Variants in TRAPPC9 observed in about 807,000 individuals in gnomAD.
TRAPPC9 encodes trafficking protein particle complex subunit 9.
A neutral mutation model predicts 124.0 loss-of-function variants in TRAPPC9; 83 were observed. The observed-to-expected ratio is 0.67, with a 90% CI of 0.56 to 0.80. The LOEUF is 0.80. Among genes scored for constraint, TRAPPC9 ranks in the 30% least tolerant of loss-of-function variants. The pLI is 0.00. For missense variants in TRAPPC9, 1,302 were observed against 1,508.3 expected, an observed-to-expected ratio of 0.86 and a Z score of 2.27; for synonymous variants, 638 against 617.5, an observed-to-expected ratio of 1.03 and a Z score of -0.49.
chr8:139,753,266 C>T (rs1819484647), intron 21 of TRAPPC9, among the ~76,000 whole-genome samples: 1 of 151,490 alleles, frequency 6.6e-6, no homozygotes, highest in African/African-American at 2.4e-5. Context: ...TACCATCCAT[C>T]CATCCAACAT....
chr8:140,217,952 G>A (rs2063236286), intron 17 of TRAPPC9, among the ~76,000 whole-genome samples: 1 of 152,072 alleles, frequency 6.6e-6, no homozygotes, highest in African/African-American at 2.4e-5. Flanking sequence ...AGGAGGTGGA[G>A]GTTGCAGTGA....
chr8:140,067,292 T>C (rs939564502), intron 17 of TRAPPC9, among the ~76,000 whole-genome samples: 1 of 152,104 alleles, frequency 6.6e-6, no homozygotes, highest in Non-Finnish European at 1.5e-5. Flanking sequence ...TACAGGCGTG[T>C]GCCACCAAAC....
chr8:140,367,020 A>G (rs2068133306), intron 8 of TRAPPC9, among the ~76,000 whole-genome samples: 1 of 152,192 alleles, frequency 6.6e-6, no homozygotes. Flanking sequence ...TAAAGCAACG[A>G]GATACCACTA....
At chr8:139,888,950 T>C (rs1415370985) in intron 20 of TRAPPC9, among the ~76,000 whole-genome samples, 2 of 152,164 alleles carry the variant, frequency 1.3e-5, no homozygotes, top group East Asian at 3.9e-4. Context: ...TCCAGGTTTA[T>C]ACCCAAAAGA....
intron 17 of TRAPPC9, among the ~76,000 whole-genome samples, chr8:140,048,795 G>C (rs1841790165): frequency 6.6e-6 from 1 of 152,140 alleles, no homozygotes; most frequent in African/African-American, 2.4e-5. Context: ...TCTCCCGCAT[G>C]AATAGCAGGC....
chr8:139,758,241 G>A (rs959389815), intron 21 of TRAPPC9, among the ~76,000 whole-genome samples: 1 of 152,200 alleles, frequency 6.6e-6, no homozygotes, highest in East Asian at 1.9e-4. Flanking sequence ...CAAATGCCAG[G>A]CTTATGTGGG....
intron 17 of TRAPPC9, among the ~76,000 whole-genome samples, chr8:140,217,918 G>A (rs1462298574): frequency 1.3e-5 from 2 of 152,090 alleles, no homozygotes; most frequent in Non-Finnish European, 2.9e-5. Flanking sequence ...TGCAGAGGCT[G>A]AGGCACAAGA....
intron 9 of TRAPPC9, among the ~76,000 whole-genome samples, chr8:140,350,478 G>A (rs2067526927): frequency 6.6e-6 from 1 of 152,202 alleles, no homozygotes; most frequent in Non-Finnish European, 1.5e-5. Context: ...AAATATCAAA[G>A]GGAGGCTGTC....
intron 17 of TRAPPC9, among the ~76,000 whole-genome samples, chr8:140,215,559 T>C (rs940066874): frequency 6.6e-6 from 1 of 151,638 alleles, no homozygotes; most frequent in Non-Finnish European, 1.5e-5. Context: ...GGCAGGAGAA[T>C]TGCTTGAACC....
chr8:140,398,306 C>T (rs1474865591), intron 6 of TRAPPC9, among the ~76,000 whole-genome samples: 2 of 152,080 alleles, frequency 1.3e-5, no homozygotes, highest in South Asian at 2.1e-4. Context: ...AATGTGGAAG[C>T]GACTTTGGAA....
intron 17 of TRAPPC9, among the ~76,000 whole-genome samples, chr8:140,039,113 C>T (rs567996548): frequency 2.0e-5 from 3 of 152,370 alleles, no homozygotes; most frequent in African/African-American, 7.2e-5. Flanking sequence ...CCCTACGCTA[C>T]TGTACCTTCA....
chr8:140,377,713 C>T (rs1394759658), intron 7 of TRAPPC9, among the ~76,000 whole-genome samples: 4 of 152,104 alleles, frequency 2.6e-5, no homozygotes, highest in African/African-American at 9.7e-5. Flanking sequence ...ACGTCCCCCA[C>T]CCCCCATCAC....
chr8:140,078,612 A>G (rs1251901446), intron 17 of TRAPPC9, among the ~76,000 whole-genome samples: 2 of 152,180 alleles, frequency 1.3e-5, no homozygotes, highest in African/African-American at 4.8e-5. Context: ...ATGAATCACA[A>G]GGACAAAGAG....
intron 12 of TRAPPC9, among the ~76,000 whole-genome samples, chr8:140,289,841 G>A (rs1279203607): frequency 6.6e-6 from 1 of 152,206 alleles, no homozygotes; most frequent in African/African-American, 2.4e-5. Flanking sequence ...CGCCCAACAG[G>A]AGGAGAGGCG....
At chr8:140,453,021 G>C (rs986219241) in intron 1 of TRAPPC9, among the ~76,000 whole-genome samples, 4 of 152,186 alleles carry the variant, frequency 2.6e-5, no homozygotes, top group Non-Finnish European at 5.9e-5. Context: ...TGGGCAAAAG[G>C]TATATAGGAT....
At chr8:139,890,870 T>TA (rs1830296735) in intron 20 of TRAPPC9, among the ~76,000 whole-genome samples, 2 of 151,212 alleles carry the variant, frequency 1.3e-5, no homozygotes, top group African/African-American at 4.9e-5. Context: ...ATTTAAAAAT[T>TA]TAAAAAAAAA....
At chr8:139,893,673 C>T (rs1830486631) in intron 20 of TRAPPC9, among the ~76,000 whole-genome samples, 2 of 152,242 alleles carry the variant, frequency 1.3e-5, no homozygotes, top group Non-Finnish European at 2.9e-5. Flanking sequence ...CTGCCCTTCA[C>T]CAGCAGTGCA....
intron 6 of TRAPPC9, among the ~76,000 whole-genome samples, chr8:140,403,124 C>T (rs1344823270): frequency 6.6e-6 from 1 of 152,100 alleles, no homozygotes. Flanking sequence ...TTTATTCTAT[C>T]ATTAAGAAAG....
chr8:139,958,055 C>T (rs564009832), intron 19 of TRAPPC9, among the ~76,000 whole-genome samples: 5 of 152,310 alleles, frequency 3.3e-5, no homozygotes, highest in Admixed American at 2.6e-4. Flanking sequence ...AGCCAGACCC[C>T]TTGTGGGTCA....
Sources: gnomAD v4.1 joint callset for allele counts (sites outside exome capture counted in the v4.1 genomes callset) on GRCh38, gnomAD v4.1.1 for gene constraint, MANE v1.5 for transcripts, NCBI Gene and HGNC (gene_info 2026-07-23, HGNC 2026-07-21) for gene names.